Variants in EDARADD observed in about 807,000 individuals in gnomAD.
EDARADD encodes the protein ectodysplasin-A receptor-associated adapter protein.
A neutral mutation model predicts 25.6 loss-of-function variants in EDARADD; 20 were observed. The ratio of observed to expected loss-of-function variants is 0.78; its 90% CI spans 0.55 to 1.14. The LOEUF is 1.14. Among genes scored for constraint, EDARADD ranks in the 50% most tolerant of loss-of-function variants. EDARADD has a pLI of 0.00. For missense variants in EDARADD, 225 were observed against 270.1 expected, an observed-to-expected ratio of 0.83 and a Z score of 1.17; for synonymous variants, 86 against 94.4, an observed-to-expected ratio of 0.91 and a Z score of 0.52.
chr1:236,374,121 A>C (rs1054935228), intron 3 of EDARADD, among the ~76,000 whole-genome samples: 2 of 152,210 alleles, frequency 1.3e-5, no homozygotes, highest in African/African-American at 2.4e-5. Flanking sequence ...TGAGCTTGGA[A>C]AGAGTGTGTG....
intron 3 of EDARADD, among the ~76,000 whole-genome samples, chr1:236,381,800 G>GTTTTTTTTTTT (rs1558105353): frequency 5.9e-5 from 1 of 16,912 alleles, no homozygotes; most frequent in Non-Finnish European, 1.3e-4. Context: ...TCCTGTGGTT[G>GTTTTTTTTTTT]CTTTTTTTTT....
At chr1:236,424,622 C>T (rs961058301) in intron 3 of EDARADD, among the ~76,000 whole-genome samples, 1 of 152,148 alleles carries the variant, frequency 6.6e-6, no homozygotes, top group Non-Finnish European at 1.5e-5. Context: ...GGGGTGGGGC[C>T]TTCCCTGTGG....
intron 4 of EDARADD, among the ~76,000 whole-genome samples, chr1:236,445,011 C>T (rs1332474318): frequency 6.6e-6 from 1 of 151,780 alleles, no homozygotes; most frequent in Non-Finnish European, 1.5e-5. Flanking sequence ...TTTTAGATGC[C>T]AGGATCTACT....
At chr1:236,362,179 A>T (rs762906001) in intron 3 of EDARADD, among the ~76,000 whole-genome samples, 1 of 152,142 alleles carries the variant, frequency 6.6e-6, no homozygotes, top group Non-Finnish European at 1.5e-5. Context: ...GGGCTCAGTG[A>T]TGCTCGCACC....
chr1:236,390,011 T>C (rs1044874084), upstream of EDARADD, among the ~76,000 whole-genome samples: 1 of 151,918 alleles, frequency 6.6e-6, no homozygotes, highest in African/African-American at 2.4e-5. Context: ...AGCAAGACCC[T>C]GTCTCAAAAA....
intron 3 of EDARADD, among the ~76,000 whole-genome samples, chr1:236,388,223 A>G (rs972662487): frequency 2.6e-5 from 4 of 152,178 alleles, no homozygotes; most frequent in African/African-American, 9.7e-5. Context: ...AAACACATAC[A>G]TGAGTCTGTG....
chr1:236,405,861 C>T (rs1343028487), intron 1 of EDARADD, among the ~76,000 whole-genome samples: 3 of 55,144 alleles, frequency 5.4e-5, no homozygotes, highest in Admixed American at 2.5e-4. Flanking sequence ...TTCCTTCCTT[C>T]CTTCCTTCCT....
chr1:236,409,623 G>A (rs183251622), intron 2 of EDARADD, among the ~76,000 whole-genome samples: 3 of 151,638 alleles, frequency 2.0e-5, no homozygotes, highest in East Asian at 3.9e-4. Context: ...GTGCAGTGGC[G>A]CGATCTCAGC....
At chr1:236,414,468 T>TC (rs397749275) in intron 3 of EDARADD, among the ~76,000 whole-genome samples, 169 bp downstream of exon 3, 2 of 152,062 alleles carry the variant, frequency 1.3e-5, no homozygotes, top group African/African-American at 4.8e-5. Flanking sequence ...TTTTCTTTTT[T>TC]AAATAGTATC....
chr1:236,423,390 C>A, intron 3 of EDARADD, among the ~76,000 whole-genome samples: 1 of 151,984 alleles, frequency 6.6e-6, no homozygotes. Context: ...CAGGGCCTTG[C>A]GCTATGTGTG....
intron 4 of EDARADD, among the ~76,000 whole-genome samples, chr1:236,460,983 G>A (rs1409241284): frequency 1.3e-5 from 2 of 151,948 alleles, no homozygotes; most frequent in African/African-American, 2.4e-5. Flanking sequence ...CACCATGCCC[G>A]GCTAATTTTT....
rs1659740508 is a variant in EDARADD, at chr1:236,483,469, A to G, written c.*820A>G. 1.3e-5 allele frequency: 13 copies of G among 1,033,626 alleles called. No homozygotes were observed. The South Asian group carries it at 1.6e-4, about 13-fold the overall frequency. 64.0% of individuals were successfully genotyped at this position (1,033,626 alleles called of 1,614,324 possible). A position where few individuals can be genotyped will look rare whatever the true frequency, so the allele number is the denominator to read the frequency against. On this transcript the variant is annotated 3_prime_UTR_variant, in exon 6 of 6. Transcript: ENST00000334232. Reference sequence around the variant, plus strand: ...ATGATAGAGATGGATGGAACAGAAAATAAATCTAAATTTGGTGCAAATGCC... The same window carrying G: ...ATGATAGAGATGGATGGAACAGAAAGTAAATCTAAATTTGGTGCAAATGCC...
chr1:236,479,792 T>G (rs940257024), intron 5 of EDARADD, among the ~76,000 whole-genome samples: 5 of 150,492 alleles, frequency 3.3e-5, no homozygotes, highest in African/African-American at 1.2e-4. Flanking sequence ...CTGCCCACAA[T>G]CTCGGTGCTT....
chr1:236,457,823 C>CA (rs1553269204), intron 4 of EDARADD, among the ~76,000 whole-genome samples: 7,988 of 118,096 alleles, frequency 0.068, 284 homozygotes, highest in Middle Eastern at 0.097. Context: ...TGTCCCCCAC[C>CA]AAAAAAAAAA....
intron 3 of EDARADD, among the ~76,000 whole-genome samples, chr1:236,389,001 A>G (rs1667389458): frequency 7.7e-5 from 3 of 38,916 alleles, no homozygotes; most frequent in South Asian, 3.0e-3. Flanking sequence ...CAAAGCAAAC[A>G]TCCCTCAAAA....
intron 4 of EDARADD, among the ~76,000 whole-genome samples, chr1:236,446,135 C>T (rs1658531041): frequency 6.6e-6 from 1 of 152,302 alleles, no homozygotes; most frequent in African/African-American, 2.4e-5. Flanking sequence ...CTTCCTACTG[C>T]CATTTTTTAA....
Position 236,398,644 on chromosome 1 carries a change from C to A in EDARADD, c.61+4139C>A, listed in dbSNP as rs1450536172. ...GCACCCTCGTGCCTCCTGGCCTTTG[C>A]AAACTTTGTTCCTGCGGCCTGGAAG... is the stretch of plus-strand genomic sequence containing the variant. On this transcript the variant is annotated intron_variant, in intron 1 of 5. Transcript: ENST00000334232. This position sits in a 1 kb window ranked among gnomAD's most constrained non-coding sequence, Gnocchi z 4.1. Among the ~76,000 whole-genome samples, 1 of 152,234 alleles carries A rather than the reference C, an allele frequency of 6.6e-6. No homozygotes were observed. The highest frequency in any genetic ancestry group is 1.5e-5 in the Non-Finnish European group (1 of 68,038).
intron 4 of EDARADD, among the ~76,000 whole-genome samples, chr1:236,458,751 C>T (rs1293161295): frequency 6.8e-6 from 1 of 146,332 alleles, no homozygotes; most frequent in Non-Finnish European, 1.5e-5. Context: ...TCAAGAGATT[C>T]TCCTGTCTCA....
At chr1:236,475,988 C>G (rs1046911468) in intron 5 of EDARADD, among the ~76,000 whole-genome samples, 2 of 150,448 alleles carry the variant, frequency 1.3e-5, no homozygotes, top group Non-Finnish European at 3.0e-5. Flanking sequence ...GTCAAGAGTT[C>G]GAGACCAGCC....
Sources: gnomAD v4.1 joint callset for allele counts (sites outside exome capture counted in the v4.1 genomes callset) on GRCh38, gnomAD v4.1.1 for gene constraint, Gnocchi (gnomAD v3.1) non-coding constraint, MANE v1.5 for transcripts, NCBI Gene and HGNC (gene_info 2026-07-23, HGNC 2026-07-21) for gene names.